HECW2: variants seen among roughly 807,000 people sequenced by gnomAD.
HECW2 encodes HECT, C2 and WW domain containing E3 ubiquitin protein ligase 2, also known as E3 ubiquitin-protein ligase HECW2.
In HECW2, 61 loss-of-function variants were observed where a neutral mutation model predicts 175.2. The observed-to-expected ratio is 0.35, with a 90% CI of 0.28 to 0.43. The LOEUF (loss-of-function observed/expected upper bound fraction) is 0.43, where lower values mean the gene tolerates loss of function less well. HECW2 is among the 20% of genes least tolerant of loss of function. The pLI is 1.00. For synonymous variants in HECW2, 671 were observed against 731.0 expected, an observed-to-expected ratio of 0.92 and a Z score of 1.32; for missense variants, 1,524 against 2,000.5, an observed-to-expected ratio of 0.76 and a Z score of 4.54.
At chr2:196,584,271 T>C (rs568547564) in intron 1 of HECW2, among the ~76,000 whole-genome samples, 13 of 152,294 alleles carry the variant, frequency 8.5e-5, no homozygotes, top group Admixed American at 2.6e-4. Context: ...AGGGTATTTA[T>C]GGGACAGGAA....
intron 2 of HECW2, among the ~76,000 whole-genome samples, chr2:196,430,520 G>T (rs898694675): frequency 6.6e-6 from 1 of 152,126 alleles, no homozygotes; most frequent in Non-Finnish European, 1.5e-5. Flanking sequence ...ATTCAATTCA[G>T]TTTGAAGAAC....
At chr2:196,238,197 C>T (rs145249612) in intron 21 of HECW2, among the ~76,000 whole-genome samples, 126 of 152,250 alleles carry the variant, frequency 8.3e-4, no homozygotes, top group African/African-American at 2.9e-3. Context: ...CCACTGCACT[C>T]CAGCCTGGGC....
intron 22 of HECW2, among the ~76,000 whole-genome samples, chr2:196,227,762 C>T (rs1254586411): frequency 2.0e-5 from 3 of 152,302 alleles, no homozygotes; most frequent in East Asian, 3.9e-4. Context: ...CAGCTTAGAG[C>T]TCATAGGCAC....
chr2:196,359,775 T>C (rs1693519280), intron 2 of HECW2, among the ~76,000 whole-genome samples: 1 of 152,194 alleles, frequency 6.6e-6, no homozygotes, highest in Admixed American at 6.5e-5. Flanking sequence ...TTGTTGGAGC[T>C]CATCTAATCT....
At chr2:196,546,715 G>C (rs1439762401) in intron 1 of HECW2, among the ~76,000 whole-genome samples, 1 of 151,932 alleles carries the variant, frequency 6.6e-6, no homozygotes, top group Admixed American at 6.6e-5. Context: ...AACCGCATAG[G>C]TGATAAACTG....
chr2:196,240,451 T>G lies in HECW2; in HGVS notation c.3762A>C (p.Glu1254Asp). ...NKLYVTFVGEEGLDYSGPSRE... is the reference protein window; with the variant it reads ...NKLYVTFVGEDGLDYSGPSRE... ...GGCCACTTCTCTGTTCTACTCACCC[T>G]TCCTCCCCAACGAAGGTGACATATA... Residue 1254 changes from glutamate to aspartate, a missense_variant and splice_region_variant, in exon 21 of 29, where the codon GAA (glutamate) becomes GAC (aspartate). By Grantham distance (45) the Glu-to-Asp change is conservative. Transcript: ENST00000644978. 6.2e-7 allele frequency: 1 copy of G among 1,604,688 alleles called. No homozygotes were observed. Among genetic ancestry groups the G allele is most frequent in the South Asian group, 1.1e-5 (1 of 89,884 alleles).
At chr2:196,432,133 A>T (rs773620194) in intron 2 of HECW2, among the ~76,000 whole-genome samples, 114 of 152,252 alleles carry the variant, frequency 7.5e-4, no homozygotes, top group Non-Finnish European at 1.2e-3. Context: ...GACAACCAAA[A>T]ATGTCTCCAA....
rs550610930 is a variant in HECW2 at position 196,199,849 on chromosome 2, G to C, written c.*1428C>G. On this transcript the variant is annotated 3_prime_UTR_variant, in exon 29 of 29. Transcript: ENST00000644978. ...GTTTTGGAGATGCCATAGAAAAACT[G>C]TCTCTTAATATTAATAAGAAAATTA... 1 of 152,198 alleles carries C rather than the reference G, an allele frequency of 6.6e-6. No homozygotes were observed. Among genetic ancestry groups the C allele is most frequent in the Non-Finnish European group, 1.5e-5 (1 of 67,986 alleles). 9.4% of individuals were successfully genotyped at this position (152,198 alleles called of 1,614,324 possible).
intron 1 of HECW2, among the ~76,000 whole-genome samples, chr2:196,556,614 G>A (rs1371762570): frequency 1.3e-5 from 2 of 152,144 alleles, no homozygotes; most frequent in African/African-American, 2.4e-5. Context: ...AGCTCCAAAT[G>A]TGTAAGGTAT....
At chr2:196,507,599 C>G (rs746161076) in intron 1 of HECW2, among the ~76,000 whole-genome samples, 2 of 152,090 alleles carry the variant, frequency 1.3e-5, no homozygotes, top group Non-Finnish European at 2.9e-5. Context: ...GTTGAGAAAC[C>G]CTGACTTAAA....
At chr2:196,290,558 T>C (rs537964906) in intron 14 of HECW2, 46 of 152,234 alleles carry the variant, frequency 3.0e-4, no homozygotes, top group African/African-American at 9.1e-4. Context: ...GATTCTCTAA[T>C]GAACACAGCT....
chr2:196,424,653 T>C (rs983659505), intron 2 of HECW2, among the ~76,000 whole-genome samples: 3 of 152,078 alleles, frequency 2.0e-5, no homozygotes, highest in African/African-American at 7.2e-5. Flanking sequence ...CCAAGCCTAA[T>C]CCAGAGCAAG....
chr2:196,334,966 G>A (rs183431947), intron 3 of HECW2, among the ~76,000 whole-genome samples: 2 of 152,286 alleles, frequency 1.3e-5, no homozygotes, highest in African/African-American at 4.8e-5. Flanking sequence ...ACTCAAACCT[G>A]AGCTGTCTGA....
chr2:196,359,917 A>G (rs1007887169), intron 2 of HECW2, among the ~76,000 whole-genome samples: 7 of 152,192 alleles, frequency 4.6e-5, no homozygotes, highest in Non-Finnish European at 8.8e-5. Context: ...AGCCTGGGCA[A>G]CACAGCAAAC....
chr2:196,590,851 A>C (rs775732366), intron 1 of HECW2, among the ~76,000 whole-genome samples: 15 of 152,360 alleles, frequency 9.8e-5, no homozygotes, highest in African/African-American at 1.2e-4. Context: ...TTTTTCTCCC[A>C]AGATCACATT....
chr2:196,330,031 T>G (rs1009398220), intron 4 of HECW2, among the ~76,000 whole-genome samples: 2 of 152,272 alleles, frequency 1.3e-5, no homozygotes, highest in Middle Eastern at 3.4e-3. Context: ...AAACCTAGAA[T>G]AAACGAAACA....
chr2:196,592,788 T>C (rs1301600511), intron 1 of HECW2: 1 of 151,612 alleles, frequency 6.6e-6, no homozygotes, highest in African/African-American at 2.4e-5. Flanking sequence ...TTTGCGCCCG[T>C]CGCCACAAGC....
chr2:196,523,548 T>G (rs1266277210), intron 1 of HECW2, among the ~76,000 whole-genome samples: 1 of 149,874 alleles, frequency 6.7e-6, no homozygotes, highest in Non-Finnish European at 1.5e-5. Context: ...ATCCCTGTCT[T>G]GTGCCAGTTT....
At chr2:196,283,060 A>AC (rs1383963936) in intron 14 of HECW2, among the ~76,000 whole-genome samples, 1 of 151,802 alleles carries the variant, frequency 6.6e-6, no homozygotes, top group African/African-American at 2.4e-5. Flanking sequence ...GGAGAGGGAG[A>AC]CCGTCCTGGC....
Sources: gnomAD v4.1 joint callset for allele counts (sites outside exome capture counted in the v4.1 genomes callset) on GRCh38, gnomAD v4.1.1 for gene constraint, MANE v1.5 for transcripts, NCBI Gene and HGNC (gene_info 2026-07-23, HGNC 2026-07-21) for gene names.